The following MCAM variants were observed in gnomAD, a reference collection of about 807,000 sequenced individuals.
MCAM encodes the protein melanoma cell adhesion molecule, also known as cell surface glycoprotein MUC18.
Under a neutral mutation model 79.1 loss-of-function variants are expected in MCAM, and 55 were observed. That is an observed-to-expected ratio of 0.70 (90% CI 0.56 to 0.87). MCAM has a LOEUF of 0.87. Among genes scored for constraint, MCAM ranks in the 40% least tolerant of loss-of-function variants. MCAM has a pLI of 0.00. For synonymous variants in MCAM, 330 were observed against 339.8 expected (o/e 0.97, Z 0.32); for missense variants, 745 against 839.8 (o/e 0.89, Z 1.40).
chr11:119,315,282 G>C lies in MCAM; in HGVS notation c.68-19C>G. 3 of 1,600,198 alleles carry C rather than the reference G, an allele frequency of 1.9e-6. No individual in the cohort carries two copies. The highest frequency in any genetic ancestry group is 2.5e-6 in the Non-Finnish European group (3 of 1,177,240). ...GGCACACCTGGGGGAGGGAGGCGGG[G>C]CCCCCGCAGCTGTGTCAGCTCCGGC... On this transcript the variant is annotated intron_variant, in intron 1 of 15. Coordinates refer to ENST00000264036, the MANE Select transcript of MCAM (RefSeq NM_006500.3). This position sits in a 1 kb window ranked among gnomAD's most constrained non-coding sequence, Gnocchi z 4.4.
chr11:119,315,051 G>A lies in MCAM; in HGVS notation c.193-11C>T, dbSNP rs747360135. 1.2e-6 allele frequency: 2 copies of A among 1,608,734 alleles called. No homozygotes were observed. The highest frequency in any genetic ancestry group is 1.1e-5 in the South Asian group (1 of 91,066). ...CTTCTCCTTGTGGACCTAATGGGAG[G>A]AGACACAGAGGAGGAGAAGGGTCCT... On this transcript the variant is annotated splice_polypyrimidine_tract_variant and intron_variant, in intron 2 of 15. Transcript: ENST00000264036. The surrounding 1 kb of genome is among the most constrained non-coding windows in gnomAD (Gnocchi z 4.4).
Position 119,311,663 on chromosome 11 carries a change from AG to A in MCAM, c.1286-13del. 6.2e-7 allele frequency: 1 copy of A among 1,613,866 alleles called. No homozygotes were observed. Among genetic ancestry groups the A allele is most frequent in the Non-Finnish European group, 8.5e-7 (1 of 1,179,892 alleles). Reference sequence around the variant, plus strand: ...CATCCAAGGGGGGCCTTGGGGAGGTAGGGAGAGGTGAGGTGGCAAGCCCAGC... The same window carrying A: ...CATCCAAGGGGGGCCTTGGGGAGGTAGGAGAGGTGAGGTGGCAAGCCCAGC... On this transcript the variant is annotated splice_polypyrimidine_tract_variant and intron_variant, in intron 10 of 15. Transcript: ENST00000264036. The surrounding 1 kb of genome is among the most constrained non-coding windows in gnomAD (Gnocchi z 4.4).
In MCAM at chr11:119,312,522, C is replaced by A. The variant is rs754191519; in HGVS notation, c.861+5G>T. 2 of 1,614,142 alleles carry A rather than the reference C, an allele frequency of 1.2e-6. No homozygotes were observed. The highest frequency in any genetic ancestry group is 3.3e-5 in the Admixed American group (2 of 60,026). On this transcript the variant is annotated splice_donor_5th_base_variant and intron_variant, in intron 7 of 15. Transcript: ENST00000264036. This position sits in a 1 kb window ranked among gnomAD's most constrained non-coding sequence, Gnocchi z 4.9. ...CCACCTGCACCCAGCACAAAGCCCC[C>A]ACACCTGCTTGCTGATGCTGAAGTG... is the stretch of plus-strand genomic sequence containing the variant.
rs758872525 is a variant in MCAM, at chr11:119,311,393, C to T, written c.1436G>A (p.Arg479Gln). The T allele has an allele frequency of 5.0e-6, 8 of 1,614,026 alleles. No homozygotes were observed. The Admixed American group carries it at 5.0e-5, about 10-fold the overall frequency. Residue 479 changes from arginine (R) to glutamine (Q), a missense_variant, in exon 12 of 16, where the codon CGA becomes CAA. Coordinates refer to ENST00000264036, the MANE Select transcript of MCAM (RefSeq NM_006500.3). This position sits in a 1 kb window ranked among gnomAD's most constrained non-coding sequence, Gnocchi z 4.4. ...GAGGACATTCAGGGTGCTCAGGACT[C>T]GCTGTGGATCTTGGTCTTGTTCACT... ...TASEQDQDPQ[R>Q]VLSTLNVLVT...
rs1950238349 is a variant in MCAM at position 119,311,846 on chromosome 11, C to A, written c.1247G>T (p.Gly416Val). Residue 416 changes from glycine to valine, a missense_variant, in exon 10 of 16, where the codon GGC becomes GTC. Gly to Val is a moderately radical substitution (Grantham distance 109). Transcript: ENST00000264036. This position sits in a 1 kb window ranked among gnomAD's most constrained non-coding sequence, Gnocchi z 4.4. ...RCVASVPSIP[G>V]LNRTQLVNVA... ...GTTGACCAGCTGTGTGCGGTTCAGGCCGGGTATGCTGGGCACAGACGCCAC... is the reference window on the plus strand; with the variant it reads ...GTTGACCAGCTGTGTGCGGTTCAGGACGGGTATGCTGGGCACAGACGCCAC... The A allele has an allele frequency of 6.2e-7, 1 of 1,614,016 alleles. No homozygotes were observed. The highest frequency in any genetic ancestry group is 1.7e-5 in the Admixed American group (1 of 60,002).
chr11:119,311,367 CGAG>C lies in MCAM; in HGVS notation c.1459_1461del (p.Leu487del), dbSNP rs753739492. ...CCTGTCTCCAACAGCTCCGGGGTCACGAGGACATTCAGGGTGCTCAGGACTCGC... is the reference window on the plus strand; with the variant it reads ...CCTGTCTCCAACAGCTCCGGGGTCACGACATTCAGGGTGCTCAGGACTCGC... On this transcript the variant is annotated inframe_deletion, in exon 12 of 16. Coordinates refer to ENST00000264036, the MANE Select transcript of MCAM (RefSeq NM_006500.3). This position sits in a 1 kb window ranked among gnomAD's most constrained non-coding sequence, Gnocchi z 4.4. 8.7e-6 allele frequency: 14 copies of C among 1,614,062 alleles called. No individual in the cohort carries two copies. Among genetic ancestry groups the C allele is most frequent in the Non-Finnish European group, 1.2e-5 (14 of 1,180,038 alleles).
Position 119,311,446 on chromosome 11 carries a change from T to C in MCAM, c.1408-25A>G. ...CCTGCGAGGAAAGGAAGGAGGCAGC[T>C]CAGGGGATGGGGAGGATCTCTGGTC... is the stretch of plus-strand genomic sequence containing the variant. On this transcript the variant is annotated intron_variant, in intron 11 of 15. Coordinates refer to ENST00000264036, the MANE Select transcript of MCAM (RefSeq NM_006500.3). This position sits in a 1 kb window ranked among gnomAD's most constrained non-coding sequence, Gnocchi z 4.4. 1 of 1,613,756 alleles carries C rather than the reference T, an allele frequency of 6.2e-7. No individual in the cohort carries two copies. Among genetic ancestry groups the C allele is most frequent in the Non-Finnish European group, 8.5e-7 (1 of 1,179,708 alleles).
rs372892369 is a variant in MCAM at position 119,310,812 on chromosome 11, G to C, written c.1737C>G (p.Leu579=). ...GCTTGCCCTTCTTATAGAGGAAATA[G>C]AGGACAGCGCCCAGCACCGCCAGGA... ...ILVLAVLGAV[L]YFLYKKGKLP... is the part of the protein sequence containing the mutation. The change falls in exon 14 of 16, where the codon CTC becomes CTG. Residue 579 remains leucine, a synonymous_variant. Coordinates refer to ENST00000264036, the MANE Select transcript of MCAM (RefSeq NM_006500.3). 1.2e-4 allele frequency: 191 copies of C among 1,614,062 alleles called. No homozygotes were observed. Among genetic ancestry groups the C allele is most frequent in the Non-Finnish European group, 1.6e-4 (188 of 1,180,046 alleles).
intron 15 of MCAM, 52 bp downstream of exon 15, chr11:119,310,296 GC>G: frequency 4.3e-6 from 5 of 1,168,332 alleles, no homozygotes; most frequent in Non-Finnish European, 6.4e-6. Flanking sequence ...AGTCCCTACT[GC>G]CCCCGGTCCC....
chr11:119,317,016 C>A lies in MCAM; in HGVS notation c.67+19G>T, dbSNP rs959100967. The A allele has an allele frequency of 1.3e-6, 2 of 1,528,406 alleles. No homozygotes were observed. Among genetic ancestry groups the A allele is most frequent in the Non-Finnish European group, 8.8e-7 (1 of 1,142,236 alleles). 94.7% of individuals were successfully genotyped at this position (1,528,406 alleles called of 1,614,324 possible). A position where few individuals can be genotyped will look rare whatever the true frequency, so the allele number is the denominator to read the frequency against. Reference sequence around the variant, plus strand: ...GCAGACCCCTAGCCGGGGCGCGGCCCCCCTGCGAGCGAACTCACCCGCGAC... The same window carrying A: ...GCAGACCCCTAGCCGGGGCGCGGCCACCCTGCGAGCGAACTCACCCGCGAC... On this transcript the variant is annotated intron_variant, in intron 1 of 15. Coordinates refer to ENST00000264036, the MANE Select transcript of MCAM (RefSeq NM_006500.3). The surrounding 1 kb of genome is among the most constrained non-coding windows in gnomAD (Gnocchi z 6.2).
At position 119,311,620 on chromosome 11, in the gene MCAM, C is replaced by T; in HGVS notation, c.1317G>A (p.Lys439=). The T allele has an allele frequency of 1.2e-6, 2 of 1,614,162 alleles. No individual in the cohort carries two copies. Among genetic ancestry groups the T allele is most frequent in the South Asian group, 1.1e-5 (1 of 91,080 alleles). The stretch of plus-strand genomic sequence containing the variant: ...ACACCATATTCTCTTTCACCCACAC[C>T]TTCCTCTCCTTGAATGCCATCCAAG... ...GPPWMAFKER[K]VWVKENMVLN... Residue 439 remains lysine, a synonymous_variant, in exon 11 of 16, where the codon AAG becomes AAA. Coordinates refer to ENST00000264036, the MANE Select transcript of MCAM (RefSeq NM_006500.3). The surrounding 1 kb of genome is among the most constrained non-coding windows in gnomAD (Gnocchi z 4.4).
chr11:119,310,374 C>T lies in MCAM; in HGVS notation c.1886G>A (p.Gly629Asp). 6.2e-7 allele frequency: 1 copy of T among 1,613,874 alleles called. No homozygotes were observed. The highest frequency in any genetic ancestry group is 1.7e-4 in the Middle Eastern group (1 of 6,060). ...CTGGTCTCCCGGAGCCCTCTTGTCACCGCTGCTGCCCTGCAGGAGGCCCAT... is the reference window on the plus strand; with the variant it reads ...CTGGTCTCCCGGAGCCCTCTTGTCATCGCTGCTGCCCTGCAGGAGGCCCAT... ...EEMGLLQGSS[G>D]DKRAPGDQGE... Residue 629 changes from glycine (G) to aspartate (D), a missense_variant, in exon 15 of 16, where the codon GGT becomes GAT. Transcript: ENST00000264036.
At chr11:119,313,625 T>G in intron 5 of MCAM, 1 of 263,390 alleles carries the variant, frequency 3.8e-6, no homozygotes, top group South Asian at 4.3e-5. Flanking sequence ...GGTCTTGAAC[T>G]CCCGACCTCA....
chr11:119,313,224 T>TG, intron 5 of MCAM: 10 of 1,424,874 alleles, frequency 7.0e-6, no homozygotes, highest in Non-Finnish European at 9.3e-6. Context: ...GTCCACTAAA[T>TG]GGGGAATGGT....
In MCAM at chr11:119,312,526, C is replaced by T. The variant is rs112778671; in HGVS notation, c.861+1G>A. 6 of 1,614,168 alleles carry T rather than the reference C, an allele frequency of 3.7e-6. No individual in the cohort carries two copies. The highest frequency in any genetic ancestry group is 5.1e-6 in the Non-Finnish European group (6 of 1,180,038). On this transcript the variant is annotated splice_donor_variant, in intron 7 of 15. Transcript: ENST00000264036. LOFTEE classifies it high-confidence loss of function. This position sits in a 1 kb window ranked among gnomAD's most constrained non-coding sequence, Gnocchi z 4.9. Reference sequence around the variant, plus strand: ...CTGCACCCAGCACAAAGCCCCCACACCTGCTTGCTGATGCTGAAGTGTGGT... The same window carrying T: ...CTGCACCCAGCACAAAGCCCCCACATCTGCTTGCTGATGCTGAAGTGTGGT...
chr11:119,313,066 A>G (rs113263046), intron 5 of MCAM, 117 bp from the exon 6 acceptor site: 1 of 1,560,200 alleles, frequency 6.4e-7, no homozygotes, highest in East Asian at 2.4e-5. Flanking sequence ...CCCCTGTAGA[A>G]GGCCAGGTAC....
At position 119,312,273 on chromosome 11, in the gene MCAM, C is replaced by T. The variant is rs768910241; in HGVS notation, c.1017G>A (p.Leu339=). ...GGGTCCCCAGCCCCTCACAGTTCAC[C>T]AGTAGTTCCTGTGGTTCACTCAGCA... is the stretch of plus-strand genomic sequence containing the variant. ...ISLLSEPQEL[L]VNYVSDVRVS... is the part of the protein sequence containing the mutation. The change falls in exon 8 of 16, where the codon CTG becomes CTA. Residue 339 remains leucine, a synonymous_variant. Coordinates refer to ENST00000264036, the MANE Select transcript of MCAM (RefSeq NM_006500.3). The surrounding 1 kb of genome is among the most constrained non-coding windows in gnomAD (Gnocchi z 4.9). 3 of 1,613,900 alleles carry T rather than the reference C, an allele frequency of 1.9e-6. No homozygotes were observed. Among genetic ancestry groups the T allele is most frequent in the South Asian group, 1.1e-5 (1 of 91,072 alleles).
Position 119,314,541 on chromosome 11 carries a change from A to C in MCAM, c.507T>G (p.Ile169Met), listed in dbSNP as rs1950280136. 1.2e-6 allele frequency: 2 copies of C among 1,613,706 alleles called. No homozygotes were observed. Among genetic ancestry groups the C allele is most frequent in the Non-Finnish European group, 1.7e-6 (2 of 1,179,942 alleles). Reference protein sequence around the residue: ...ATCVGRNGYPIPQVIWYKNGR... With the variant: ...ATCVGRNGYPMPQVIWYKNGR... ...CATTCTTGTACCAGATGACTTGAGG[A>C]ATGGGGTACCCGTTCCTCCCTACAC... Residue 169 changes from isoleucine to methionine, a missense_variant, in exon 5 of 16, where the codon ATT becomes ATG. Transcript: ENST00000264036.
chr11:119,313,261 A>ATGGAAAACT, intron 5 of MCAM: 22 of 1,377,532 alleles, frequency 1.6e-5, no homozygotes, highest in Non-Finnish European at 2.1e-5. Context: ...TATGCGTAGT[A>ATGGAAAACT]TGGAAAACTT....
Sources: gnomAD v4.1 joint callset for allele counts on GRCh38, gnomAD v4.1.1 for gene constraint, Gnocchi (gnomAD v3.1) non-coding constraint, MANE v1.5 for transcripts, NCBI Gene and HGNC (gene_info 2026-07-23, HGNC 2026-07-21) for gene names.